HMGXB4: variants seen among roughly 807,000 people sequenced by gnomAD.
HMGXB4 encodes HMG-box containing 4.
HMGXB4 carries 27 observed loss-of-function variants against 63.9 expected under a neutral mutation model. The observed-to-expected ratio is 0.42, with a 90% CI of 0.31 to 0.58. The LOEUF (loss-of-function observed/expected upper bound fraction) is 0.58. Ranked by LOEUF, HMGXB4 falls within the 20% of genes least tolerant of loss-of-function variation. The pLI, the probability that HMGXB4 is intolerant of heterozygous loss-of-function variation, is 0.13. For synonymous variants in HMGXB4, 264 were observed against 265.3 expected, an observed-to-expected ratio of 0.99 and a Z score of 0.05; for missense variants, 624 against 700.7, an observed-to-expected ratio of 0.89 and a Z score of 1.24.
At chr22:35,283,242 C>T (rs992495842) in intron 5 of HMGXB4, among the ~76,000 whole-genome samples, 1 of 152,144 alleles carries the variant, frequency 6.6e-6, no homozygotes, top group African/African-American at 2.4e-5. Flanking sequence ...GCAAAAAGAA[C>T]ATAGATTTGG....
the HMGXB4 span, among the ~76,000 whole-genome samples, chr22:35,247,027 G>C: frequency 6.6e-6 from 1 of 152,060 alleles, no homozygotes; most frequent in Non-Finnish European, 1.5e-5. Flanking sequence ...TCTTTTCTGG[G>C]TCTGTCTATA....
intron 5 of HMGXB4, among the ~76,000 whole-genome samples, chr22:35,282,759 G>A (rs1476087170): frequency 6.6e-6 from 1 of 152,148 alleles, no homozygotes; most frequent in East Asian, 1.9e-4. Flanking sequence ...CTTAGTGGTG[G>A]TACCCTCAGC....
intron 9 of HMGXB4, among the ~76,000 whole-genome samples, chr22:35,291,406 A>AGG (rs1475500438): frequency 6.6e-6 from 1 of 152,194 alleles, no homozygotes; most frequent in Admixed American, 6.5e-5. Context: ...GGGGAACTAC[A>AGG]GGGGTTTTTA....
chr22:35,290,650 A>G (rs1268655070), intron 9 of HMGXB4, among the ~76,000 whole-genome samples: 5 of 151,016 alleles, frequency 3.3e-5, no homozygotes, highest in South Asian at 2.1e-4. Context: ...AAAAAAAAAA[A>G]AAAGAAACCC....
At position 35,264,526 on chromosome 22, in the gene HMGXB4, C is replaced by G; in HGVS notation, c.260-122C>G. ...CAATGTTAGGAATCAGTTAAAGGGT[C>G]TCCCTTCAAATCATTCCTGTTAGCC... On this transcript the variant is annotated intron_variant, in intron 4 of 10. Coordinates refer to ENST00000216106, the MANE Select transcript of HMGXB4 (RefSeq NM_001003681.3). The G allele has an allele frequency of 4.3e-6, 3 of 701,494 alleles. No homozygotes were observed. The South Asian group carries it at 5.8e-5, about 14-fold the overall frequency. The allele number at this position is 701,494 out of a possible 1,614,324, so 43.5% of individuals were successfully genotyped here.
chr22:35,242,055 G>T, the HMGXB4 span, among the ~76,000 whole-genome samples: 1 of 152,090 alleles, frequency 6.6e-6, no homozygotes, highest in Non-Finnish European at 1.5e-5. Flanking sequence ...TGCTCTCGGG[G>T]TAATACTAGC....
intron 8 of HMGXB4, among the ~76,000 whole-genome samples, chr22:35,287,872 C>T (rs1448839122): frequency 1.3e-5 from 2 of 151,768 alleles, no homozygotes; most frequent in East Asian, 1.9e-4. Context: ...TGCTTGAACC[C>T]GGGAGGTGGA....
At chr22:35,288,212 T>G (rs1569006360) in intron 8 of HMGXB4, 26 bp from the exon 9 acceptor site, 1 of 1,423,558 alleles carries the variant, frequency 7.0e-7, no homozygotes, top group Non-Finnish European at 9.3e-7. Context: ...AAGTTTTACC[T>G]GTCTGCCTCA....
intron 6 of HMGXB4, among the ~76,000 whole-genome samples, chr22:35,284,617 ATGTAT>A (rs1924455434): frequency 6.6e-6 from 1 of 152,268 alleles, no homozygotes; most frequent in Non-Finnish European, 1.5e-5. Context: ...ATCTTATGTA[ATGTAT>A]TGAATACTGT....
intron 5 of HMGXB4, among the ~76,000 whole-genome samples, chr22:35,278,984 CTG>C (rs1404988018): frequency 2.6e-5 from 4 of 151,856 alleles, no homozygotes; most frequent in Non-Finnish European, 4.4e-5. Context: ...GAATTCAAGA[CTG>C]TAGTGAGCTA....
intron 5 of HMGXB4, among the ~76,000 whole-genome samples, chr22:35,279,308 C>G (rs546044383): frequency 6.6e-6 from 1 of 151,938 alleles, no homozygotes; most frequent in African/African-American, 2.4e-5. Context: ...GCCACCACAC[C>G]CGGCTAATTT....
chr22:35,243,260 C>G, the HMGXB4 span, among the ~76,000 whole-genome samples: 1 of 152,082 alleles, frequency 6.6e-6, no homozygotes, highest in Non-Finnish European at 1.5e-5. Context: ...ATCCCAACTA[C>G]TTGGGAGGCT....
chr22:35,282,366 C>G (rs1056513958), intron 5 of HMGXB4, among the ~76,000 whole-genome samples: 17 of 152,046 alleles, frequency 1.1e-4, no homozygotes, highest in Non-Finnish European at 2.1e-4. Context: ...TTAGTAGAGA[C>G]GGGGTTTCAC....
upstream of HMGXB4, among the ~76,000 whole-genome samples, chr22:35,255,814 G>A (rs1922372604): frequency 6.6e-6 from 1 of 152,210 alleles, no homozygotes; most frequent in African/African-American, 2.4e-5. Context: ...AGAACAAAAA[G>A]GAAATACATC....
At chr22:35,265,762 G>T (rs1287115530) in intron 5 of HMGXB4, among the ~76,000 whole-genome samples, 159 bp downstream of exon 5, 1 of 151,732 alleles carries the variant, frequency 6.6e-6, no homozygotes, top group East Asian at 1.9e-4. Context: ...ATTACCAGTA[G>T]CCCAGTCTGT....
rs73883588 is a variant in HMGXB4 at position 35,274,791 on chromosome 22, T to C, written c.1216-9171T>C. On this transcript the variant is annotated intron_variant, in intron 5 of 10. Transcript: ENST00000216106. Reference sequence around the variant, plus strand: ...AGATTTTCATTCAAGGTAGTTAAAATAAAAACTTTGGTGTAGAAACCTTAC... The same window carrying C: ...AGATTTTCATTCAAGGTAGTTAAAACAAAAACTTTGGTGTAGAAACCTTAC... 5.5e-3 allele frequency among the ~76,000 whole-genome samples: 837 copies of C among 152,312 alleles called. 10 individuals carry two copies. The highest frequency in any genetic ancestry group is 0.019 in the African/African-American group (783 of 41,566).
At chr22:35,262,506 G>T (rs1490206439) in intron 2 of HMGXB4, 85 bp downstream of exon 2, 1 of 1,349,260 alleles carries the variant, frequency 7.4e-7, no homozygotes, top group Non-Finnish European at 1.1e-6. Flanking sequence ...CCAGGACTGG[G>T]CACCACAGCC....
At chr22:35,286,213 G>T (rs953461879) in intron 7 of HMGXB4, 152 bp downstream of exon 7, 13 of 608,784 alleles carry the variant, frequency 2.1e-5, no homozygotes, top group African/African-American at 2.0e-4. Context: ...CATTAACACT[G>T]TTAGTGCCAG....
At chr22:35,260,444 C>T (rs1351699399) in intron 1 of HMGXB4, among the ~76,000 whole-genome samples, 3 of 152,182 alleles carry the variant, frequency 2.0e-5, no homozygotes, top group Admixed American at 1.3e-4. Flanking sequence ...GGAGTCAGCA[C>T]CACTTGGGTG....
Sources: allele counts gnomAD v4.1 joint callset (sites outside exome capture counted in the v4.1 genomes callset), GRCh38; gene constraint gnomAD v4.1.1; transcripts MANE v1.5; gene names NCBI Gene and HGNC (gene_info 2026-07-23, HGNC 2026-07-21).